PLEC: variants seen among roughly 807,000 people sequenced by gnomAD.
The protein encoded by PLEC is hemidesmosomal protein 1.
Under a neutral mutation model 392.8 loss-of-function variants are expected in PLEC, and 216 were observed. That is an observed-to-expected ratio of 0.55 (90% confidence interval 0.49 to 0.62). The LOEUF is 0.62. PLEC is among the 20% of genes least tolerant of loss of function. The pLI, the probability that PLEC is intolerant of heterozygous loss-of-function variation, is 0.00. For synonymous variants in PLEC, 3,621 were observed against 2,980.6 expected (o/e 1.21, Z -7.00); for missense variants, 6,863 against 6,563.4 (o/e 1.05, Z -1.58).
At position 143,924,241 on chromosome 8, in the gene PLEC, G is replaced by T. The variant is rs1554696349; in HGVS notation, c.5688C>A (p.Ala1896=). The T allele has an allele frequency of 3.8e-6, 6 of 1,598,214 alleles. No individual in the cohort carries two copies. Among genetic ancestry groups the T allele is most frequent in the Non-Finnish European group, 5.1e-6 (6 of 1,179,344 alleles). Residue 1896 remains alanine (A), a synonymous_variant, in exon 31 of 32, where the codon GCC becomes GCA. Coordinates refer to ENST00000345136, the MANE Select transcript of PLEC (RefSeq NM_201384.3). ...QHKADIEERL[A]QLRKASDSEL... Reference sequence around the variant, plus strand: ...CGCTGTCCGATGCCTTGCGCAGCTGGGCCAGGCGCTCCTCGATGTCAGCCT... The same window carrying T: ...CGCTGTCCGATGCCTTGCGCAGCTGTGCCAGGCGCTCCTCGATGTCAGCCT...
intron 21 of PLEC, 36 bp downstream of exon 21, chr8:143,930,108 C>CT (rs1826733624): frequency 6.3e-7 from 1 of 1,598,938 alleles, no homozygotes; most frequent in Admixed American, 1.7e-5. Context: ...CCCCACCCGC[C>CT]TTCCAGCCCC....
chr8:143,966,995 T>A (rs1233599248), intron 1 of PLEC, among the ~76,000 whole-genome samples: 1 of 152,194 alleles, frequency 6.6e-6, no homozygotes, highest in Non-Finnish European at 1.5e-5. Context: ...AAGAAGGCCA[T>A]TTTAAGCATA....
Position 143,921,697 on chromosome 8 carries a change from C to T in PLEC, c.8124G>A (p.Glu2708=), listed in dbSNP as rs1554686747. ...GCAGGGCGGCGTAAACACTCAGCTT[C>T]TCATTGGTGGCCTTCAGCAACAGCC... is the stretch of plus-strand genomic sequence containing the variant. ...IAGLLLKATN[E]KLSVYAALQR... The change falls in exon 32 of 32, where the codon GAG becomes GAA. Residue 2708 remains glutamate (E), a synonymous_variant. Transcript: ENST00000345136. 1.2e-6 allele frequency: 2 copies of T among 1,613,112 alleles called. No homozygotes were observed. Among genetic ancestry groups the T allele is most frequent in the East Asian group, 2.2e-5 (1 of 44,880 alleles).
In PLEC at chr8:143,919,261, G is replaced by A. The variant is rs782578468; in HGVS notation, c.10560C>T (p.Asn3520=). The A allele has an allele frequency of 1.2e-6, 2 of 1,614,056 alleles. No individual in the cohort carries two copies. Among genetic ancestry groups the A allele is most frequent in the Non-Finnish European group, 8.5e-7 (1 of 1,180,048 alleles). Residue 3520 remains asparagine (N), a synonymous_variant, in exon 32 of 32, where the codon AAC becomes AAT. Transcript: ENST00000345136. ...GCTCCAGCAGCTGCCTGTACGTGAG[G>A]TTCTCATGCGTGTTGGGGTCAAAGA... The part of the protein sequence containing the change: ...KGFFDPNTHE[N]LTYRQLLERC...
rs1486082571 is a variant in PLEC at position 143,916,012 on chromosome 8, A to G, written c.*165T>C. The G allele has an allele frequency of 1.5e-5, 8 of 535,522 alleles. No homozygotes were observed. Among genetic ancestry groups the G allele is most frequent in the East Asian group, 3.3e-5 (1 of 30,064 alleles). The allele number at this position is 535,522 out of a possible 1,614,324, so 33.2% of individuals were successfully genotyped here. A position where few individuals can be genotyped will look rare whatever the true frequency, so the allele number is the denominator to read the frequency against. On this transcript the variant is annotated 3_prime_UTR_variant, in exon 32 of 32. Transcript: ENST00000345136. ...GGGCCAGCCCTGTCCCCCAAGATACAGGCTGTCTGGACAGCAGATATATAT... is the reference window on the plus strand; with the variant it reads ...GGGCCAGCCCTGTCCCCCAAGATACGGGCTGTCTGGACAGCAGATATATAT...
upstream of PLEC, chr8:143,942,481 C>CGA (rs1587287580): frequency 4.4e-6 from 7 of 1,594,806 alleles, no homozygotes; most frequent in Non-Finnish European, 6.0e-6. Flanking sequence ...CAAGACCTCC[C>CGA]TCGGCGAGGC....
intron 1 of PLEC, chr8:143,950,049 C>T (rs1831964288): frequency 6.8e-6 from 8 of 1,177,498 alleles, no homozygotes; most frequent in Non-Finnish European, 9.2e-6. Context: ...CTAGGGGGGG[C>T]CACCTGCTGG....
At chr8:143,962,565 T>G (rs1832917344) in intron 1 of PLEC, among the ~76,000 whole-genome samples, 1 of 152,216 alleles carries the variant, frequency 6.6e-6, no homozygotes, top group Admixed American at 6.5e-5. Flanking sequence ...CTGGGACATC[T>G]TGAGGCACAC....
At chr8:143,942,264 A>C (rs1830623232), upstream of PLEC, 1 of 1,050,278 alleles carries the variant, frequency 9.5e-7, no homozygotes, top group Non-Finnish European at 1.4e-6. Context: ...GCTCGGGGGC[A>C]AGGCTGCACC....
intron 19 of PLEC, 37 bp downstream of exon 19, chr8:143,931,497 C>T (rs1554715157): frequency 7.1e-6 from 11 of 1,559,474 alleles, no homozygotes; most frequent in Non-Finnish European, 9.5e-6. Context: ...TCCAGGCCAG[C>T]CCCTCCTGAC....
chr8:143,918,331 G>C lies in PLEC; in HGVS notation c.11490C>G (p.Asn3830Lys). ...LEVAYQRGYL[N>K]KDTHDQLSEP... is the part of the protein sequence containing the mutation. ...CTGACAGCTGGTCGTGCGTGTCCTT[G>C]TTGAGGTAGCCACGCTGGTAAGCCA... The change falls in exon 32 of 32, where the codon AAC becomes AAG. Residue 3830 changes from asparagine to lysine, a missense_variant. Asn to Lys is a moderately conservative substitution (Grantham distance 94). Coordinates refer to ENST00000345136, the MANE Select transcript of PLEC (RefSeq NM_201384.3). The C allele has an allele frequency of 6.3e-7, 1 of 1,586,428 alleles. No homozygotes were observed. Among genetic ancestry groups the C allele is most frequent in the Non-Finnish European group, 8.5e-7 (1 of 1,173,446 alleles).
rs200034893 is a variant in PLEC at position 143,919,218 on chromosome 8, C to T, written c.10603G>A (p.Glu3535Lys). 4.0e-5 allele frequency: 65 copies of T among 1,613,856 alleles called. No individual in the cohort carries two copies. The African/African-American group carries it at 4.3e-4, about 11-fold the overall frequency. ...AGTGGCAGAAGGCGCAAGCCCGTCT[C>T]GGGGTCCTCCACGCACCGCTCCAGC... is the stretch of plus-strand genomic sequence containing the variant. ...QLLERCVEDP[E>K]TGLRLLPLKG... The change falls in exon 32 of 32, where the codon GAG (glutamate) becomes AAG (lysine). Residue 3535 changes from glutamate to lysine, a missense_variant. Transcript: ENST00000345136.
At position 143,916,779 on chromosome 8, in the gene PLEC, G is replaced by A. The variant is rs781809660; in HGVS notation, c.13042C>T (p.Arg4348Cys). Residue 4348 changes from arginine (R) to cysteine (C), a missense_variant, in exon 32 of 32, where the codon CGC becomes TGC. Physicochemically the swap from Arg to Cys is radical, Grantham distance 180. Coordinates refer to ENST00000345136, the MANE Select transcript of PLEC (RefSeq NM_201384.3). ...KGLVDKIMVD[R>C]INLAQKAFCG... is the part of the protein sequence containing the mutation. ...AAGGCCTTCTGGGCCAGGTTGATGC[G>A]GTCCACCATGATCTTGTCCACCAGG... is the stretch of plus-strand genomic sequence containing the variant. 22 of 1,613,180 alleles carry A rather than the reference G, an allele frequency of 1.4e-5. No homozygotes were observed. Among genetic ancestry groups the A allele is most frequent in the South Asian group, 2.2e-5 (2 of 91,086 alleles).
At chr8:143,936,251 G>A (rs1829022311) in intron 5 of PLEC, among the ~76,000 whole-genome samples, 1 of 152,160 alleles carries the variant, frequency 6.6e-6, no homozygotes, top group South Asian at 2.1e-4. Flanking sequence ...CTGCCACCAC[G>A]CAGCTCAGAA....
Position 143,925,040 on chromosome 8 carries a change from T to TCCCGCTCTGCCTCCTCGCGCG in PLEC, c.4868_4888dup (p.Ala1623_Arg1629dup). 1 of 1,558,138 alleles carries TCCCGCTCTGCCTCCTCGCGCG rather than the reference T, an allele frequency of 6.4e-7. No homozygotes were observed. The highest frequency in any genetic ancestry group is 8.6e-7 in the Non-Finnish European group (1 of 1,159,486). On this transcript the variant is annotated inframe_insertion, in exon 31 of 32. Transcript: ENST00000345136. Reference sequence around the variant, plus strand: ...GGCCTTGAGCTGCCAGCGCTCCAGCTCCCGCTCTGCCTCCTCGCGCGCCCG... The same window carrying TCCCGCTCTGCCTCCTCGCGCG: ...GGCCTTGAGCTGCCAGCGCTCCAGCTCCCGCTCTGCCTCCTCGCGCGCCCGCTCTGCCTCCTCGCGCGCCCG...
chr8:143,938,366 C>G (rs782612458), intron 2 of PLEC, 126 bp from the exon 3 acceptor site: 3 of 1,535,812 alleles, frequency 2.0e-6, no homozygotes, highest in East Asian at 4.9e-5. Flanking sequence ...TCCCGGGAGC[C>G]CACGGAACAC....
intron 1 of PLEC, among the ~76,000 whole-genome samples, chr8:143,971,741 CG>C (rs2132973786): frequency 6.6e-6 from 1 of 152,290 alleles, no homozygotes; most frequent in Non-Finnish European, 1.5e-5. Context: ...CACACACATG[CG>C]GGCAGCTGCA....
intron 18 of PLEC, 61 bp downstream of exon 18, chr8:143,931,876 G>T (rs1184986375): frequency 3.4e-6 from 5 of 1,487,822 alleles, no homozygotes; most frequent in Non-Finnish European, 3.7e-6. Context: ...TGCCGAGGGG[G>T]TCCAGGGGCT....
rs201586456 is a variant in PLEC at position 143,920,743 on chromosome 8, G to A, written c.9078C>T (p.Ile3026=). The A allele has an allele frequency of 1.0e-4, 161 of 1,604,906 alleles. 1 individual carries two copies. In the African/African-American group the frequency reaches 1.4e-3, roughly 14 times the overall value. The change falls in exon 32 of 32, where the codon ATC becomes ATT. Residue 3026 remains isoleucine, a synonymous_variant. Coordinates refer to ENST00000345136, the MANE Select transcript of PLEC (RefSeq NM_201384.3). Reference sequence around the variant, plus strand: ...CCGCCTCCTCCAGCCATACACCCGCGATGACGTTGGCACCCCGGAGAGCCC... The same window carrying A: ...CCGCCTCCTCCAGCCATACACCCGCAATGACGTTGGCACCCCGGAGAGCCC... ...VRRALRGANV[I]AGVWLEEAGQ...
Sources: gnomAD v4.1 joint callset for allele counts (sites outside exome capture counted in the v4.1 genomes callset) on GRCh38, gnomAD v4.1.1 for gene constraint, MANE v1.5 for transcripts, NCBI Gene and HGNC (gene_info 2026-07-23, HGNC 2026-07-21) for gene names.